ZNF723: variants seen among roughly 807,000 people sequenced by gnomAD.
The protein encoded by ZNF723 is zinc finger protein 723.
In ZNF723, 5 loss-of-function variants were observed where a neutral mutation model predicts 9.4. The ratio of observed to expected loss-of-function variants is 0.53; its 90% CI spans 0.28 to 1.12. The LOEUF (loss-of-function observed/expected upper bound fraction) is 1.12, where lower values mean the gene tolerates loss of function less well. ZNF723 is among the 50% of genes most tolerant of loss of function. The probability of loss-of-function intolerance (pLI) is 0.10; values close to 1 mark genes in which losing one functional copy is unlikely to be tolerated. For synonymous variants in ZNF723, 158 were observed against 168.8 expected, an observed-to-expected ratio of 0.94 and a Z score of 0.49; for missense variants, 450 against 501.5, an observed-to-expected ratio of 0.90 and a Z score of 0.98.
chr19:22,846,813 CTTTTTTTTTTTTTTTTTT>C (rs760924027), intron 1 of ZNF723, among the ~76,000 whole-genome samples: 6 of 69,112 alleles, frequency 8.7e-5, no homozygotes, highest in Non-Finnish European at 1.6e-4. Flanking sequence ...CTATAATTTC[CTTTTTTTTTTTTTTTTTT>C]TTTTTTTTTT....
Position 22,858,166 on chromosome 19 carries a change from C to T in ZNF723, c.1275C>T (p.Tyr425=). 1 of 1,406,488 alleles carries T rather than the reference C, an allele frequency of 7.1e-7. No homozygotes were observed. Among genetic ancestry groups the T allele is most frequent in the Non-Finnish European group, 1.0e-6 (1 of 993,282 alleles). The allele number at this position is 1,406,488 out of a possible 1,614,324, so 87.1% of individuals were successfully genotyped here. The change falls in exon 4 of 4, where the codon TAC becomes TAT. Residue 425 remains tyrosine, a synonymous_variant. Transcript: ENST00000600766. ...TAATTCATACTGGAGAAAGACCTTACAAATGTAAACAATGTGGTAAAGGTT... is the reference window on the plus strand; with the variant it reads ...TAATTCATACTGGAGAAAGACCTTATAAATGTAAACAATGTGGTAAAGGTT... ...HKIIHTGERP[Y]KCKQCGKGFS...
intron 3 of ZNF723, among the ~76,000 whole-genome samples, chr19:22,856,310 G>GT (rs1967478445): frequency 2.0e-5 from 3 of 151,780 alleles, no homozygotes; most frequent in South Asian, 4.2e-4. Flanking sequence ...CACAATTTCT[G>GT]TTTTTTTGAT....
intron 1 of ZNF723, among the ~76,000 whole-genome samples, chr19:22,833,523 T>G (rs776862411): frequency 2.0e-5 from 3 of 152,172 alleles, no homozygotes; most frequent in Non-Finnish European, 4.4e-5. Flanking sequence ...TACTCTAGCC[T>G]AACTGTGGCT....
the ZNF723 span, among the ~76,000 whole-genome samples, chr19:22,814,063 C>A: frequency 2.0e-5 from 3 of 152,086 alleles, no homozygotes; most frequent in South Asian, 4.1e-4. Context: ...CCGCCCACCT[C>A]GGCCTCCCAA....
chr19:22,850,754 T>TA (rs1479194780), intron 3 of ZNF723, among the ~76,000 whole-genome samples: 3 of 152,118 alleles, frequency 2.0e-5, no homozygotes, highest in Non-Finnish European at 4.4e-5. Context: ...TTTTTTTAGA[T>TA]ACGTTTTTTC....
chr19:22,830,246 A>G (rs1967080055), upstream of ZNF723, among the ~76,000 whole-genome samples: 1 of 152,096 alleles, frequency 6.6e-6, no homozygotes, highest in Non-Finnish European at 1.5e-5. Context: ...ATTATTTCTC[A>G]TTGTAGCCTT....
chr19:22,835,510 T>C (rs949109111), intron 1 of ZNF723, among the ~76,000 whole-genome samples: 1 of 152,196 alleles, frequency 6.6e-6, no homozygotes, highest in Non-Finnish European at 1.5e-5. Flanking sequence ...GAGTTCGCAT[T>C]TACCGTTTTT....
chr19:22,814,264 ACT>A, the ZNF723 span, among the ~76,000 whole-genome samples: 1 of 152,098 alleles, frequency 6.6e-6, no homozygotes, highest in Non-Finnish European at 1.5e-5. Flanking sequence ...CTCGATTGTA[ACT>A]CTCATTCAAA....
chr19:22,819,850 A>T, the ZNF723 span, among the ~76,000 whole-genome samples: 1 of 152,076 alleles, frequency 6.6e-6, no homozygotes, highest in South Asian at 2.1e-4. Context: ...AAGTGAAGTG[A>T]TTCTCCTCTT....
chr19:22,856,132 T>C (rs941120837), intron 3 of ZNF723, among the ~76,000 whole-genome samples: 1 of 152,088 alleles, frequency 6.6e-6, no homozygotes, highest in African/African-American at 2.4e-5. Context: ...GCTAATTTTT[T>C]GTATTTTTAG....
chr19:22,857,410 C>T lies in ZNF723; in HGVS notation c.519C>T (p.Phe173=). The part of the protein sequence containing the change: ...QKIRHTGNNS[F]KCKECGKSFC... Reference sequence around the variant, plus strand: ...TAAGACATACTGGAAATAATTCTTTCAAATGTAAAGAATGTGGCAAATCAT... The same window carrying T: ...TAAGACATACTGGAAATAATTCTTTTAAATGTAAAGAATGTGGCAAATCAT... The change falls in exon 4 of 4, where the codon TTC becomes TTT. Residue 173 remains phenylalanine, a synonymous_variant. Coordinates refer to ENST00000600766, the MANE Select transcript of ZNF723 (RefSeq NM_001349726.2). 1.1e-6 allele frequency: 1 copy of T among 880,084 alleles called. No individual in the cohort carries two copies. The highest frequency in any genetic ancestry group is 1.9e-6 in the Non-Finnish European group (1 of 518,572). 54.5% of individuals were successfully genotyped at this position (880,084 alleles called of 1,614,324 possible). A position where few individuals can be genotyped will look rare whatever the true frequency, so the allele number is the denominator to read the frequency against.
rs532058070 is a variant in ZNF723, at chr19:22,843,741, T to C, written c.4-4520T>C. Among the ~76,000 whole-genome samples, 3 of 152,322 alleles carry C rather than the reference T, an allele frequency of 2.0e-5. No individual in the cohort carries two copies. In the South Asian group the frequency reaches 6.2e-4, roughly 32 times the overall value. Reference sequence around the variant, plus strand: ...GGGATATTTATGAACAGAAGAGTTGTTATTATTATATGCGTTTCTATTACC... The same window carrying C: ...GGGATATTTATGAACAGAAGAGTTGCTATTATTATATGCGTTTCTATTACC... On this transcript the variant is annotated intron_variant, in intron 1 of 3. Transcript: ENST00000600766.
upstream of ZNF723, among the ~76,000 whole-genome samples, chr19:22,830,988 C>A (rs1037665117): frequency 6.6e-6 from 1 of 152,078 alleles, no homozygotes; most frequent in Non-Finnish European, 1.5e-5. Context: ...GTCTTGAACT[C>A]CTGACCTCAG....
chr19:22,832,512 C>A, intron 1 of ZNF723, 130 bp downstream of exon 1: 1 of 1,058,632 alleles, frequency 9.4e-7, no homozygotes, highest in South Asian at 1.3e-5. Flanking sequence ...CTAGCCTGGC[C>A]CGGCCTCAGA....
At chr19:22,843,470 A>T (rs113468469) in intron 1 of ZNF723, among the ~76,000 whole-genome samples, 5 of 152,334 alleles carry the variant, frequency 3.3e-5, no homozygotes, top group African/African-American at 1.2e-4. Context: ...TGGGTGAAAA[A>T]CAACCAGGAT....
chr19:22,856,982 C>G (rs1967487997), intron 3 of ZNF723, 136 bp from the exon 4 acceptor site: 1 of 457,732 alleles, frequency 2.2e-6, no homozygotes, highest in African/African-American at 2.0e-5. Context: ...ACATTTATGT[C>G]TATGAAGTAA....
At chr19:22,835,374 T>C (rs528892) in intron 1 of ZNF723, among the ~76,000 whole-genome samples, 55,871 of 151,854 alleles carry the variant, frequency 0.37, 10,913 homozygotes, top group African/African-American at 0.52. Context: ...AAGATTTGTT[T>C]GCTTATATTG....
At chr19:22,842,138 G>T (rs1237232571) in intron 1 of ZNF723, among the ~76,000 whole-genome samples, 1 of 152,132 alleles carries the variant, frequency 6.6e-6, no homozygotes, top group Non-Finnish European at 1.5e-5. Context: ...CCAAGTAGCT[G>T]GGATTACAGG....
rs1229563505 is a variant in ZNF723 at position 22,857,871 on chromosome 19, A to G, written c.980A>G (p.His327Arg). Residue 327 changes from histidine (H) to arginine (R), a missense_variant, in exon 4 of 4, where the codon CAC (histidine) becomes CGC (arginine). Physicochemically the swap from His to Arg is conservative, Grantham distance 29. Transcript: ENST00000600766. ...GGCAAAGCCTTTAACCAGCCCTCACACCTTGCTACACATAAGAGAATTCAT... is the reference window on the plus strand; with the variant it reads ...GGCAAAGCCTTTAACCAGCCCTCACGCCTTGCTACACATAAGAGAATTCAT... The part of the protein sequence containing the change: ...ECGKAFNQPS[H>R]LATHKRIHTG... The G allele has an allele frequency of 1.4e-6, 2 of 1,406,214 alleles. No homozygotes were observed. The highest frequency in any genetic ancestry group is 1.7e-5 in the Admixed American group (1 of 59,416). 87.1% of individuals were successfully genotyped at this position (1,406,214 alleles called of 1,614,324 possible).
Sources: allele counts gnomAD v4.1 joint callset (sites outside exome capture counted in the v4.1 genomes callset), GRCh38; gene constraint gnomAD v4.1.1; transcripts MANE v1.5; gene names NCBI Gene and HGNC (gene_info 2026-07-23, HGNC 2026-07-21).